DNM3: variants seen among roughly 807,000 people sequenced by gnomAD.
The protein encoded by DNM3 is dynamin 3.
Under a neutral mutation model 101.6 loss-of-function variants are expected in DNM3, and 47 were observed. That is an observed-to-expected ratio of 0.46 (90% confidence interval 0.37 to 0.59). DNM3 has a LOEUF of 0.59. Among genes scored for constraint, DNM3 ranks in the 20% least tolerant of loss-of-function variants. DNM3 has a pLI of 0.00. For synonymous variants in DNM3, 385 were observed against 387.9 expected, an observed-to-expected ratio of 0.99 and a Z score of 0.09; for missense variants, 849 against 1,085.7, an observed-to-expected ratio of 0.78 and a Z score of 3.06.
intron 17 of DNM3, among the ~76,000 whole-genome samples, chr1:172,347,202 C>G (rs868048928): frequency 1.5e-3 from 226 of 151,668 alleles, no homozygotes; most frequent in African/African-American, 5.2e-3. Context: ...AAGCCCCCCC[C>G]GCCAAAAAAA....
At chr1:172,174,527 C>A (rs912203199) in intron 14 of DNM3, among the ~76,000 whole-genome samples, 4 of 151,714 alleles carry the variant, frequency 2.6e-5, no homozygotes, top group Non-Finnish European at 5.9e-5. Context: ...TGACAAGTTA[C>A]ACGTTGTTGA....
At chr1:172,264,982 CT>C (rs758011154) in intron 15 of DNM3, among the ~76,000 whole-genome samples, 11 of 152,144 alleles carry the variant, frequency 7.2e-5, no homozygotes, top group Non-Finnish European at 1.3e-4. Flanking sequence ...AGATTTTTAA[CT>C]TATTGTGTAG....
chr1:172,381,643 A>C (rs1030470491), intron 18 of DNM3, among the ~76,000 whole-genome samples: 2 of 152,112 alleles, frequency 1.3e-5, no homozygotes, highest in Non-Finnish European at 2.9e-5. Context: ...TGTTGAGTCC[A>C]AGGAAACTGA....
chr1:172,166,912 G>A (rs571467403), intron 14 of DNM3, among the ~76,000 whole-genome samples: 26 of 151,258 alleles, frequency 1.7e-4, no homozygotes, highest in African/African-American at 6.4e-4. Context: ...AAATGGCAAA[G>A]CATTGCATTC....
At chr1:171,878,212 A>T (rs1032871324) in intron 1 of DNM3, among the ~76,000 whole-genome samples, 1 of 152,132 alleles carries the variant, frequency 6.6e-6, no homozygotes. Context: ...GCTTTAATGA[A>T]ATTATTTTTA....
At chr1:171,888,018 A>G (rs553235890) in intron 1 of DNM3, among the ~76,000 whole-genome samples, 4 of 150,856 alleles carry the variant, frequency 2.7e-5, no homozygotes, top group South Asian at 2.1e-4. Flanking sequence ...GAATACCCAT[A>G]TGGTCAAACA....
At chr1:172,314,141 T>A (rs907161443) in intron 16 of DNM3, among the ~76,000 whole-genome samples, 1 of 152,118 alleles carries the variant, frequency 6.6e-6, no homozygotes, top group Non-Finnish European at 1.5e-5. Flanking sequence ...AATTCTACAA[T>A]AAAGACACAT....
In DNM3 at chr1:172,352,380, A is replaced by G. The variant is rs530161872; in HGVS notation, c.1894-26638A>G. Among the ~76,000 whole-genome samples, 15 of 152,252 alleles carry G rather than the reference A, an allele frequency of 9.9e-5. 1 individual carries two copies. Among genetic ancestry groups the G allele is most frequent in the African/African-American group, 1.7e-4 (7 of 41,552 alleles). ...TTTTTTTCTTTTTATATGAGTGTTA[A>G]CTGGAAATAGGCAAGGAATGAGCAG... On this transcript the variant is annotated intron_variant, in intron 17 of 20. Transcript: ENST00000627582.
chr1:172,313,793 T>TTTATTTATTTAC (rs2065183407), intron 16 of DNM3, among the ~76,000 whole-genome samples: 1 of 142,916 alleles, frequency 7.0e-6, no homozygotes, highest in African/African-American at 2.7e-5. Flanking sequence ...TATTTATTTA[T>TTTATTTATTTAC]TTACTTACTT....
chr1:171,905,348 G>T (rs1337034048), intron 1 of DNM3, among the ~76,000 whole-genome samples: 1 of 152,152 alleles, frequency 6.6e-6, no homozygotes, highest in Non-Finnish European at 1.5e-5. Context: ...AGGGAGTAAG[G>T]AGTCTAAAAA....
chr1:171,864,278 C>T (rs1015069617), intron 1 of DNM3: 2 of 152,156 alleles, frequency 1.3e-5, no homozygotes, highest in African/African-American at 4.8e-5. Flanking sequence ...ATAACTGAAG[C>T]CTGTTTTTCC....
chr1:171,879,688 T>C (rs2036097820), intron 1 of DNM3, among the ~76,000 whole-genome samples: 1 of 152,150 alleles, frequency 6.6e-6, no homozygotes, highest in South Asian at 2.1e-4. Context: ...TTATTACTCC[T>C]AGGAAGCTAG....
In DNM3 at chr1:172,409,439, T is replaced by C; in HGVS notation, c.*1598T>C. On this transcript the variant is annotated 3_prime_UTR_variant, in exon 21 of 21. Transcript: ENST00000627582. Reference sequence around the variant, plus strand: ...GTTGAGTGCCATTGTATTGAACTTATTCTAAAGGCTTATGCTAACCCATTT... The same window carrying C: ...GTTGAGTGCCATTGTATTGAACTTACTCTAAAGGCTTATGCTAACCCATTT... The C allele has an allele frequency of 2.0e-6, 2 of 984,522 alleles. No individual in the cohort carries two copies. The highest frequency in any genetic ancestry group is 1.2e-6 in the Non-Finnish European group (1 of 829,108). 61.0% of individuals were successfully genotyped at this position (984,522 alleles called of 1,614,324 possible).
intron 14 of DNM3, among the ~76,000 whole-genome samples, chr1:172,168,638 C>T (rs935782739): frequency 2.6e-5 from 4 of 151,918 alleles, no homozygotes; most frequent in Non-Finnish European, 5.9e-5. Context: ...GTATTCTCTT[C>T]CTGTTCTAGC....
chr1:172,036,062 A>T (rs2048935277), intron 6 of DNM3, among the ~76,000 whole-genome samples: 1 of 149,842 alleles, frequency 6.7e-6, no homozygotes, highest in Non-Finnish European at 1.5e-5. Flanking sequence ...TCTGCAGGTT[A>T]GTTACATATG....
chr1:172,265,251 TA>T (rs112817468), intron 15 of DNM3, among the ~76,000 whole-genome samples: 78 of 147,482 alleles, frequency 5.3e-4, no homozygotes, highest in East Asian at 2.8e-3. Flanking sequence ...TAACATCCTT[TA>T]AAAAAAAAAA....
intron 14 of DNM3, among the ~76,000 whole-genome samples, chr1:172,165,390 G>A (rs567707631): frequency 7.2e-5 from 11 of 152,056 alleles, no homozygotes; most frequent in African/African-American, 1.9e-4. Context: ...ATATTTATAC[G>A]CATACACAAA....
chr1:172,044,409 C>A lies in DNM3; in HGVS notation c.1153C>A (p.Arg385=), dbSNP rs753011365. The A allele has an allele frequency of 2.7e-5, 44 of 1,607,836 alleles. 1 individual carries two copies. Among genetic ancestry groups the A allele is most frequent in the Admixed American group, 2.7e-4 (16 of 59,316 alleles). The change falls in exon 9 of 21, where the codon CGA becomes AGA. Residue 385 remains arginine, a synonymous_variant. Transcript: ENST00000627582. Reference sequence around the variant, plus strand: ...GATGGAGTTCAATGAGAAAGAATTGCGAAGAGAAATAAGCTATGCAATCAA... The same window carrying A: ...GATGGAGTTCAATGAGAAAGAATTGAGAAGAGAAATAAGCTATGCAATCAA... ...VKMEFNEKEL[R]REISYAIKNI...
intron 4 of DNM3, among the ~76,000 whole-genome samples, chr1:172,016,948 C>T (rs2047492191): frequency 6.6e-6 from 1 of 152,252 alleles, no homozygotes; most frequent in Admixed American, 6.5e-5. Flanking sequence ...CAGCCTCAAA[C>T]TCCTGGGCTC....
Sources: allele counts gnomAD v4.1 joint callset (sites outside exome capture counted in the v4.1 genomes callset), GRCh38; gene constraint gnomAD v4.1.1; transcripts MANE v1.5; gene names NCBI Gene and HGNC (gene_info 2026-07-23, HGNC 2026-07-21).